The following NAV2 variants were observed in gnomAD, a reference collection of about 807,000 sequenced individuals.
NAV2 encodes the protein neuron navigator 2, also known as helicase, APC down-regulated 1.
In NAV2, 54 loss-of-function variants were observed where a neutral mutation model predicts 223.2. The ratio of observed to expected loss-of-function variants is 0.24; its 90% CI spans 0.19 to 0.30. NAV2 has a LOEUF of 0.30. Among genes scored for constraint, NAV2 ranks in the 10% least tolerant of loss-of-function variants. The pLI is 1.00. For missense variants in NAV2, 2,806 were observed against 3,147.5 expected, an observed-to-expected ratio of 0.89 and a Z score of 2.60; for synonymous variants, 1,279 against 1,239.3, an observed-to-expected ratio of 1.03 and a Z score of -0.67.
At chr11:19,616,952 T>C (rs2046815512) in intron 1 of NAV2, among the ~76,000 whole-genome samples, 1 of 152,036 alleles carries the variant, frequency 6.6e-6, no homozygotes, top group Non-Finnish European at 1.5e-5. Flanking sequence ...GAAAATTACT[T>C]ACCCTCTGAG....
intron 1 of NAV2, among the ~76,000 whole-genome samples, chr11:19,592,388 T>C (rs1162202243): frequency 6.6e-6 from 1 of 152,140 alleles, no homozygotes; most frequent in Admixed American, 6.5e-5. Context: ...CCACCTCTTC[T>C]AGGAAGCCTT....
At chr11:19,494,414 C>T (rs2042728667) in intron 1 of NAV2, among the ~76,000 whole-genome samples, 1 of 152,242 alleles carries the variant, frequency 6.6e-6, no homozygotes, top group South Asian at 2.1e-4. Context: ...TTACTACACA[C>T]TAATGAATAT....
At chr11:19,482,872 A>T (rs1342621078) in intron 1 of NAV2, among the ~76,000 whole-genome samples, 2 of 152,174 alleles carry the variant, frequency 1.3e-5, no homozygotes, top group Non-Finnish European at 2.9e-5. Flanking sequence ...GACTCCACAG[A>T]TACACACTTG....
At position 20,035,883 on chromosome 11, in the gene NAV2, TTGTC is replaced by T. The variant is rs892396305; in HGVS notation, c.2769-68_2769-65del. 6.3e-5 allele frequency: 99 copies of T among 1,569,674 alleles called. No homozygotes were observed. The African/African-American group carries it at 1.2e-3, about 18-fold the overall frequency. ...GATTGGATCTTTTCGGGGATGGTGT[TTGTC>T]TGTCTGTGTCATCAGCCTGAGCTGG... On this transcript the variant is annotated intron_variant, in intron 11 of 37. Coordinates refer to ENST00000349880, the MANE Select transcript of NAV2 (RefSeq NM_145117.5).
chr11:19,754,647 A>G (rs1441333262), intron 1 of NAV2, among the ~76,000 whole-genome samples: 1 of 152,126 alleles, frequency 6.6e-6, no homozygotes, highest in Non-Finnish European at 1.5e-5. Flanking sequence ...GGCTTTCTTC[A>G]TTTTTACCCC....
intron 1 of NAV2, among the ~76,000 whole-genome samples, chr11:19,722,333 T>TA (rs2050811663): frequency 1.3e-5 from 2 of 152,048 alleles, no homozygotes; most frequent in Non-Finnish European, 2.9e-5. Flanking sequence ...AAAAAAAATT[T>TA]AAAACCTCTG....
intron 1 of NAV2, among the ~76,000 whole-genome samples, chr11:19,605,535 TAA>T (rs542244329): frequency 4.4e-5 from 6 of 135,966 alleles, no homozygotes; most frequent in African/African-American, 5.4e-5. Context: ...AAATATTATT[TAA>T]AAAAAAAAAA....
intron 1 of NAV2, among the ~76,000 whole-genome samples, chr11:19,628,541 T>A (rs2017056): frequency 6.6e-6 from 1 of 152,118 alleles, no homozygotes; most frequent in East Asian, 1.9e-4. Context: ...AATGTACTCA[T>A]GCATCCACGC....
At chr11:19,605,284 C>T (rs2046446288) in intron 1 of NAV2, among the ~76,000 whole-genome samples, 1 of 152,126 alleles carries the variant, frequency 6.6e-6, no homozygotes, top group African/African-American at 2.4e-5. Context: ...AACCCTCAAA[C>T]TCATCTAGAT....
At chr11:19,537,871 C>T (rs2044232980) in intron 1 of NAV2, among the ~76,000 whole-genome samples, 1 of 152,152 alleles carries the variant, frequency 6.6e-6, no homozygotes, top group Admixed American at 6.5e-5. Context: ...AATAATAGCA[C>T]CTGCCTCATA....
rs16937251 is a variant in NAV2, at chr11:19,933,648, G to C, written c.1404G>C (p.Gln468His). 79,370 of 1,614,140 alleles carry C rather than the reference G, an allele frequency of 0.049. 5,666 individuals carry two copies. Among genetic ancestry groups the C allele is most frequent in the East Asian group, 0.36 (16,215 of 44,826 alleles). The change falls in exon 7 of 38, where the codon CAG (glutamine) becomes CAC (histidine). Residue 468 changes from glutamine (Q) to histidine (H), a missense_variant. Coordinates refer to ENST00000349880, the MANE Select transcript of NAV2 (RefSeq NM_145117.5). The surrounding 1 kb of genome is among the most constrained non-coding windows in gnomAD (Gnocchi z 4.3). ...SPKIALKGIA[Q>H]RTFSRALTNK... is the part of the protein sequence containing the mutation. ...AGATTGCACTCAAGGGCATTGCCCA[G>C]AGGACTTTTAGCCGGGCACTGACCA...
Position 19,446,493 on chromosome 11 carries a change from T to G in NAV2, c.75+95466T>G, listed in dbSNP as rs145280506. On this transcript the variant is annotated intron_variant, in intron 1 of 37. Transcript: ENST00000360655. ...AAGTTGACACAACTCAAGGTTTATC[T>G]GCCTCAGTGGGCAGCTCTCCAGAGA... Among the ~76,000 whole-genome samples, 1,061 of 152,354 alleles carry G rather than the reference T, an allele frequency of 7.0e-3. 10 individuals are homozygous for G. The highest frequency in any genetic ancestry group is 0.022 in the African/African-American group (933 of 41,582).
intron 1 of NAV2, chr11:19,510,892 G>A (rs2729874): frequency 0.81 from 122,842 of 152,156 alleles, 50,184 homozygotes; most frequent in Non-Finnish European, 0.88. Context: ...GAGGACTTAG[G>A]GTTATGAGGT....
intron 1 of NAV2, among the ~76,000 whole-genome samples, chr11:19,597,806 T>G (rs546119531): frequency 6.6e-6 from 1 of 152,368 alleles, no homozygotes; most frequent in African/African-American, 2.4e-5. Context: ...GAGGAATGTC[T>G]GCACAGAACT....
At chr11:19,415,834 T>C (rs1424286797) in intron 1 of NAV2, among the ~76,000 whole-genome samples, 2 of 152,080 alleles carry the variant, frequency 1.3e-5, no homozygotes, top group East Asian at 1.9e-4. Context: ...ACAGAACCAA[T>C]GACAAAAACC....
chr11:19,455,969 C>T (rs2702689), intron 1 of NAV2, among the ~76,000 whole-genome samples: 7,925 of 152,204 alleles, frequency 0.052, 544 homozygotes, highest in African/African-American at 0.16. Flanking sequence ...AAAGCCTGAC[C>T]GTGCATATTC....
In NAV2 at chr11:19,900,953, C is replaced by T. The variant is rs118181515; in HGVS notation, c.931+8359C>T. Among the ~76,000 whole-genome samples the T allele has an allele frequency of 3.4e-4, 52 of 152,286 alleles. 1 individual carries two copies. The East Asian group carries it at 9.9e-3, about 29-fold the overall frequency. On this transcript the variant is annotated intron_variant, in intron 6 of 37. Coordinates refer to ENST00000349880, the MANE Select transcript of NAV2 (RefSeq NM_145117.5). Reference sequence around the variant, plus strand: ...TTCAGTTGATTTATCTTTGAAGTGGCAACAGGCTTCTATAGCCCTAATGTT... The same window carrying T: ...TTCAGTTGATTTATCTTTGAAGTGGTAACAGGCTTCTATAGCCCTAATGTT...
chr11:19,419,559 G>A (rs1393165427), intron 1 of NAV2, among the ~76,000 whole-genome samples: 2 of 152,200 alleles, frequency 1.3e-5, no homozygotes, highest in African/African-American at 4.8e-5. Context: ...TCAGTCTGAT[G>A]TGAAGACGTG....
At chr11:19,922,581 T>C (rs1301822565) in intron 6 of NAV2, among the ~76,000 whole-genome samples, 1 of 152,176 alleles carries the variant, frequency 6.6e-6, no homozygotes, top group Non-Finnish European at 1.5e-5. Context: ...TACTGTGATT[T>C]TGTAAGTTTG....
Sources: allele counts gnomAD v4.1 joint callset (sites outside exome capture counted in the v4.1 genomes callset), GRCh38; gene constraint gnomAD v4.1.1; non-coding constraint Gnocchi (gnomAD v3.1); transcripts MANE v1.5; gene names NCBI Gene and HGNC (gene_info 2026-07-23, HGNC 2026-07-21).